Variants in CDH13 observed in about 807,000 individuals in gnomAD.
CDH13 encodes cadherin 13, also known as cadherin-13.
A neutral mutation model predicts 63.8 loss-of-function variants in CDH13; 24 were observed. The ratio of observed to expected loss-of-function variants is 0.38; its 90% CI spans 0.27 to 0.53. The LOEUF is 0.53. Ranked by LOEUF, CDH13 falls within the 20% of genes least tolerant of loss-of-function variation. The pLI, the probability that CDH13 is intolerant of heterozygous loss-of-function variation, is 0.85. For missense variants in CDH13, 1,049 were observed against 903.1 expected (o/e 1.16, Z -2.07); for synonymous variants, 503 against 355.3 (o/e 1.42, Z -4.67).
chr16:83,521,357 G>A (rs1166268013), intron 7 of CDH13, among the ~76,000 whole-genome samples: 7 of 151,378 alleles, frequency 4.6e-5, no homozygotes, highest in Admixed American at 4.6e-4. Flanking sequence ...AAAAAAAAAA[G>A]AATGGAAAAA....
At chr16:83,503,454 G>A (rs757987497) in intron 7 of CDH13, among the ~76,000 whole-genome samples, 6 of 152,176 alleles carry the variant, frequency 3.9e-5, no homozygotes, top group Non-Finnish European at 7.3e-5. Context: ...AGGAGGGGCA[G>A]TGAGAAGGAG....
At chr16:82,835,814 T>C (rs1271702610) in intron 1 of CDH13, among the ~76,000 whole-genome samples, 1 of 152,186 alleles carries the variant, frequency 6.6e-6, no homozygotes, top group Non-Finnish European at 1.5e-5. Flanking sequence ...CAAGGACATT[T>C]AATTCTTGGC....
intron 5 of CDH13, among the ~76,000 whole-genome samples, chr16:83,230,049 G>A (rs986963964): frequency 6.6e-6 from 1 of 152,178 alleles, no homozygotes; most frequent in African/African-American, 2.4e-5. Flanking sequence ...ATTAATAGTT[G>A]GGGAATCCAC....
intron 6 of CDH13, among the ~76,000 whole-genome samples, chr16:83,483,561 A>G (rs1255961233): frequency 6.6e-6 from 1 of 151,954 alleles, no homozygotes; most frequent in Non-Finnish European, 1.5e-5. Context: ...CTTCAATTAA[A>G]GGCAGATTAA....
intron 6 of CDH13, among the ~76,000 whole-genome samples, chr16:83,367,514 G>C (rs956151416): frequency 6.6e-6 from 1 of 152,122 alleles, no homozygotes; most frequent in African/African-American, 2.4e-5. Context: ...ATATATCTGG[G>C]AATGGAATTG....
intron 3 of CDH13, among the ~76,000 whole-genome samples, chr16:83,061,477 C>T (rs1335474143): frequency 2.0e-5 from 3 of 152,132 alleles, no homozygotes; most frequent in African/African-American, 7.2e-5. Context: ...ACTGGCAGGT[C>T]CAGATACAGA....
At chr16:83,299,941 G>A (rs942431628) in intron 5 of CDH13, among the ~76,000 whole-genome samples, 3 of 152,174 alleles carry the variant, frequency 2.0e-5, no homozygotes, top group African/African-American at 4.8e-5. Flanking sequence ...ATTCAGATGA[G>A]GGCAAGGTCT....
At chr16:83,275,966 A>C (rs74031935) in intron 5 of CDH13, among the ~76,000 whole-genome samples, 5,466 of 152,244 alleles carry the variant, frequency 0.036, 350 homozygotes, top group African/African-American at 0.12. Context: ...TATAATGAAG[A>C]CTACAGATTA....
rs141829115 is a variant in CDH13, at chr16:83,101,942, A to G, written c.367-23443A>G. 2.0e-3 allele frequency among the ~76,000 whole-genome samples: 304 copies of G among 152,308 alleles called. 2 individuals carry two copies. The highest frequency in any genetic ancestry group is 6.9e-3 in the African/African-American group (286 of 41,568). The stretch of plus-strand genomic sequence containing the variant: ...ACATTCTACTCCTTGGAACCTGTGA[A>G]TGTGTTACCTTATATGGCCAAATAG... On this transcript the variant is annotated intron_variant, in intron 3 of 13. Coordinates refer to ENST00000567109, the MANE Select transcript of CDH13 (RefSeq NM_001257.5).
intron 7 of CDH13, among the ~76,000 whole-genome samples, chr16:83,565,857 T>C (rs1323530505): frequency 6.6e-6 from 1 of 152,262 alleles, no homozygotes; most frequent in Non-Finnish European, 1.5e-5. Flanking sequence ...TATTCTTTTG[T>C]GATAACTGAT....
At position 82,644,222 on chromosome 16, in the gene CDH13, C is replaced by A. The variant is rs939642290; in HGVS notation, c.45+17085C>A. ...CTGGTGCGGCTGAAGAATTCAATAG[C>A]CTAGTAATGAGAAGTCAATCTAAGG... On this transcript the variant is annotated intron_variant, in intron 1 of 13. Transcript: ENST00000567109. This position sits in a 1 kb window ranked among gnomAD's most constrained non-coding sequence, Gnocchi z 5.7. Among the ~76,000 whole-genome samples, 11 of 152,138 alleles carry A rather than the reference C, an allele frequency of 7.2e-5. No homozygotes were observed. The highest frequency in any genetic ancestry group is 1.3e-4 in the Non-Finnish European group (9 of 68,034).
chr16:83,566,340 T>C (rs1375601689), intron 7 of CDH13, among the ~76,000 whole-genome samples: 1 of 152,180 alleles, frequency 6.6e-6, no homozygotes, highest in African/African-American at 2.4e-5. Context: ...TTCCCCAACA[T>C]GGGGCAGGGG....
rs80100176 is a variant in CDH13 at position 83,429,349 on chromosome 16, C to T, written c.782-57128C>T. ...TACAGGGGACTTATGCAAACCTCTC[C>T]TTTAATATGGAAACCTCTCCTTTGA... On this transcript the variant is annotated intron_variant, in intron 6 of 13. Coordinates refer to ENST00000567109, the MANE Select transcript of CDH13 (RefSeq NM_001257.5). Among the ~76,000 whole-genome samples the T allele has an allele frequency of 1.1e-4, 16 of 152,262 alleles. 1 individual carries two copies. The East Asian group carries it at 3.1e-3, about 29-fold the overall frequency.
At chr16:83,203,995 G>A (rs753535382) in intron 4 of CDH13, among the ~76,000 whole-genome samples, 45 of 152,210 alleles carry the variant, frequency 3.0e-4, no homozygotes, top group Admixed American at 8.5e-4. Context: ...CAGAGGAAAC[G>A]GGCAACCCAC....
At position 83,350,942 on chromosome 16, in the gene CDH13, C is replaced by T. The variant is rs1050174677; in HGVS notation, c.781+5936C>T. On this transcript the variant is annotated intron_variant, in intron 6 of 13. Transcript: ENST00000567109. Reference sequence around the variant, plus strand: ...AAGAAAAAGCCAGCCGATCAAGTCGCCTTTGGGACTAATGGCTATCCTGAG... The same window carrying T: ...AAGAAAAAGCCAGCCGATCAAGTCGTCTTTGGGACTAATGGCTATCCTGAG... Among the ~76,000 whole-genome samples, 65 of 152,276 alleles carry T rather than the reference C, an allele frequency of 4.3e-4. 1 individual carries two copies. The highest frequency in any genetic ancestry group is 1.5e-3 in the African/African-American group (63 of 41,546).
At chr16:83,363,699 CA>C (rs1355782574) in intron 6 of CDH13, among the ~76,000 whole-genome samples, 1 of 152,188 alleles carries the variant, frequency 6.6e-6, no homozygotes, top group Non-Finnish European at 1.5e-5. Flanking sequence ...CTGTTATGAG[CA>C]GGATGTTCCG....
chr16:83,671,402 C>T (rs377719076), intron 9 of CDH13, among the ~76,000 whole-genome samples: 4 of 152,074 alleles, frequency 2.6e-5, no homozygotes, highest in African/African-American at 7.2e-5. Flanking sequence ...CTGCCTGCCA[C>T]CATGTCCGGC....
At chr16:83,693,946 G>C (rs1305343487) in intron 10 of CDH13, among the ~76,000 whole-genome samples, 2 of 152,170 alleles carry the variant, frequency 1.3e-5, no homozygotes, top group Non-Finnish European at 2.9e-5. Context: ...ATGAATCAGA[G>C]GAGACTGTTC....
At chr16:83,209,758 A>C (rs1053640874) in intron 4 of CDH13, among the ~76,000 whole-genome samples, 1 of 152,026 alleles carries the variant, frequency 6.6e-6, no homozygotes, top group African/African-American at 2.4e-5. Context: ...GCTTTAACAG[A>C]CCTTGCAGGC....
Sources: gnomAD v4.1 joint callset for allele counts (sites outside exome capture counted in the v4.1 genomes callset) on GRCh38, gnomAD v4.1.1 for gene constraint, Gnocchi (gnomAD v3.1) non-coding constraint, MANE v1.5 for transcripts, NCBI Gene and HGNC (gene_info 2026-07-23, HGNC 2026-07-21) for gene names.